Variants in TRHDE observed in about 807,000 individuals in gnomAD.
The protein encoded by TRHDE is thyrotropin releasing hormone degrading enzyme, also known as thyrotropin-releasing hormone-degrading ectoenzyme.
In TRHDE, 72 loss-of-function variants were observed where a neutral mutation model predicts 125.7. The ratio of observed to expected loss-of-function variants is 0.57; its 90% CI spans 0.47 to 0.70. The LOEUF (loss-of-function observed/expected upper bound fraction) is 0.70. TRHDE is among the 30% of genes least tolerant of loss of function. The pLI, the probability that TRHDE is intolerant of heterozygous loss-of-function variation, is 0.00. For synonymous variants in TRHDE, 509 were observed against 509.1 expected, an observed-to-expected ratio of 1.00 and a Z score of 0.00; for missense variants, 1,110 against 1,327.1, an observed-to-expected ratio of 0.84 and a Z score of 2.54.
chr12:72,249,198 G>C (rs1216608388), intron 2 of TRHDE, among the ~76,000 whole-genome samples: 1 of 151,988 alleles, frequency 6.6e-6, no homozygotes, highest in Non-Finnish European at 1.5e-5. Context: ...TGATAAATTG[G>C]ATCTTATTAA....
In TRHDE at chr12:72,377,965, A is replaced by C. The variant is rs761747751; in HGVS notation, c.1189-30A>C. 8.0e-6 allele frequency: 12 copies of C among 1,499,660 alleles called. No homozygotes were observed. The East Asian group carries it at 2.9e-4, about 36-fold the overall frequency. The allele number at this position is 1,499,660 out of a possible 1,614,324, so 92.9% of individuals were successfully genotyped here. On this transcript the variant is annotated intron_variant, in intron 2 of 18. Coordinates refer to ENST00000261180, the MANE Select transcript of TRHDE (RefSeq NM_013381.3). ...GATAAAACTCAAGTGCTAAAAGGCT[A>C]AAGTAACTTTTATATATATTTTTAA...
At chr12:72,124,435 A>G (rs1037722466) in intron 2 of TRHDE, among the ~76,000 whole-genome samples, 1 of 152,188 alleles carries the variant, frequency 6.6e-6, no homozygotes, top group African/African-American at 2.4e-5. Context: ...TCTGCATAAA[A>G]AGGAAAAAAT....
chr12:72,657,940 C>T (rs1363994809), intron 18 of TRHDE, among the ~76,000 whole-genome samples: 1 of 152,172 alleles, frequency 6.6e-6, no homozygotes, highest in Non-Finnish European at 1.5e-5. Context: ...ATGCCTAATG[C>T]TGTGCCCCAC....
chr12:72,225,434 C>T (rs1256676870), intron 2 of TRHDE, among the ~76,000 whole-genome samples: 2 of 152,088 alleles, frequency 1.3e-5, no homozygotes, highest in Non-Finnish European at 2.9e-5. Context: ...TCCAGCTATC[C>T]AGAAAGTTAG....
chr12:72,112,259 C>T (rs1246154226), intron 2 of TRHDE, among the ~76,000 whole-genome samples: 1 of 152,122 alleles, frequency 6.6e-6, no homozygotes, highest in Non-Finnish European at 1.5e-5. Context: ...GCAATATATG[C>T]CACTTCATTG....
chr12:72,502,889 G>A (rs1878214343), intron 6 of TRHDE, among the ~76,000 whole-genome samples: 1 of 152,156 alleles, frequency 6.6e-6, no homozygotes, highest in African/African-American at 2.4e-5. Context: ...TTAAAACATT[G>A]AGGCTGAAAT....
At chr12:72,119,982 C>G (rs535054922) in intron 2 of TRHDE, among the ~76,000 whole-genome samples, 2 of 151,846 alleles carry the variant, frequency 1.3e-5, no homozygotes, top group Non-Finnish European at 2.9e-5. Flanking sequence ...CATTCAGCCA[C>G]TCTATGTCTT....
At chr12:72,540,561 C>G (rs934964009) in intron 6 of TRHDE, among the ~76,000 whole-genome samples, 1 of 151,674 alleles carries the variant, frequency 6.6e-6, no homozygotes. Flanking sequence ...GAGTTGACTG[C>G]TTTAGATACT....
At chr12:72,467,023 A>C (rs1007909388) in intron 3 of TRHDE, among the ~76,000 whole-genome samples, 1 of 152,214 alleles carries the variant, frequency 6.6e-6, no homozygotes, top group Non-Finnish European at 1.5e-5. Context: ...ATGCTCAATG[A>C]GTATTTGTTG....
intron 12 of TRHDE, chr12:72,610,931 A>T (rs1294332389): frequency 6.5e-6 from 1 of 152,968 alleles, no homozygotes; most frequent in Admixed American, 6.5e-5. Context: ...AAAGAACTGG[A>T]CCAACCAAGA....
chr12:72,215,228 A>T (rs2461698), intron 2 of TRHDE, among the ~76,000 whole-genome samples: 109,860 of 148,850 alleles, frequency 0.74, 40,610 homozygotes, highest in Non-Finnish European at 0.76. Flanking sequence ...TCAGTGGGGG[A>T]GCTTTTTGAG....
chr12:72,188,049 T>A (rs956204204), intron 2 of TRHDE, among the ~76,000 whole-genome samples: 5 of 152,254 alleles, frequency 3.3e-5, no homozygotes, highest in African/African-American at 1.2e-4. Flanking sequence ...TATGTGTTAA[T>A]GTTTGATAAA....
chr12:72,199,974 C>G (rs1877522767), intron 2 of TRHDE, among the ~76,000 whole-genome samples: 1 of 152,102 alleles, frequency 6.6e-6, no homozygotes, highest in African/African-American at 2.4e-5. Context: ...TCTTTAGAGT[C>G]CCTTTAGTGG....
chr12:72,535,486 G>GT lies in TRHDE; in HGVS notation c.1723-6805_1723-6804insT, dbSNP rs1212995246. 2.0e-5 allele frequency among the ~76,000 whole-genome samples: 3 copies of GT among 151,990 alleles called. No individual in the cohort carries two copies. In the East Asian group the frequency reaches 5.8e-4, roughly 29 times the overall value. ...AGAGGACTCCAAGGCTCCAAGCATG[G>GT]GTAACTGAAGCAATGGGGCATTAAT... is the stretch of plus-strand genomic sequence containing the variant. On this transcript the variant is annotated intron_variant, in intron 6 of 18. Coordinates refer to ENST00000261180, the MANE Select transcript of TRHDE (RefSeq NM_013381.3).
intron 3 of TRHDE, among the ~76,000 whole-genome samples, chr12:72,452,685 G>A (rs1427199861): frequency 6.6e-6 from 1 of 152,040 alleles, no homozygotes; most frequent in East Asian, 1.9e-4. Flanking sequence ...TTAGATCATG[G>A]GGGTGGACTT....
chr12:72,625,241 C>CT (rs756909560), intron 15 of TRHDE, among the ~76,000 whole-genome samples: 2 of 151,820 alleles, frequency 1.3e-5, no homozygotes, highest in Non-Finnish European at 2.9e-5. Context: ...TATTTAAATA[C>CT]TGTTAAAGGG....
chr12:72,616,479 T>A (rs368817464), intron 12 of TRHDE, among the ~76,000 whole-genome samples: 1 of 152,108 alleles, frequency 6.6e-6, no homozygotes, highest in Non-Finnish European at 1.5e-5. Flanking sequence ...GCTGGAGAGA[T>A]AAATTATTTG....
chr12:72,657,128 C>T, intron 18 of TRHDE, 120 bp downstream of exon 18: 1 of 620,556 alleles, frequency 1.6e-6, no homozygotes, highest in Non-Finnish European at 2.9e-6. Flanking sequence ...CACACGCACA[C>T]CACACACACA....
At chr12:72,568,875 A>G (rs10128854) in intron 10 of TRHDE, among the ~76,000 whole-genome samples, 40,460 of 152,000 alleles carry the variant, frequency 0.27, 8,123 homozygotes, top group African/African-American at 0.54. Context: ...TTTAATGGTA[A>G]AGAGAAAACT....
Sources: gnomAD v4.1 joint callset for allele counts (sites outside exome capture counted in the v4.1 genomes callset) on GRCh38, gnomAD v4.1.1 for gene constraint, MANE v1.5 for transcripts, NCBI Gene and HGNC (gene_info 2026-07-23, HGNC 2026-07-21) for gene names.